GRAMD1B: variants seen among roughly 807,000 people sequenced by gnomAD.
The protein encoded by GRAMD1B is protein Aster-B.
A neutral mutation model predicts 99.7 loss-of-function variants in GRAMD1B; 37 were observed. The observed-to-expected ratio is 0.37, with a 90% CI of 0.29 to 0.49. The LOEUF (loss-of-function observed/expected upper bound fraction) is 0.49, where lower values mean the gene tolerates loss of function less well. Ranked by LOEUF, GRAMD1B falls within the 20% of genes least tolerant of loss-of-function variation. The pLI is 0.98. For synonymous variants in GRAMD1B, 427 were observed against 387.6 expected (o/e 1.10, Z -1.19); for missense variants, 888 against 1,009.2 (o/e 0.88, Z 1.63).
chr11:123,586,033 CTCTG>C (rs1338634536), intron 4 of GRAMD1B, among the ~76,000 whole-genome samples: 2 of 152,046 alleles, frequency 1.3e-5, no homozygotes, highest in African/African-American at 2.4e-5. Flanking sequence ...AGGTTTCCCT[CTCTG>C]TCTGATTCTA....
At chr11:123,422,916 G>A (rs1948503662) in intron 1 of GRAMD1B, among the ~76,000 whole-genome samples, 1 of 144,180 alleles carries the variant, frequency 6.9e-6, no homozygotes, top group Non-Finnish European at 1.5e-5. Flanking sequence ...CCAAATTGTA[G>A]TTCTTGGACT....
intron 2 of GRAMD1B, among the ~76,000 whole-genome samples, chr11:123,572,272 G>C (rs1948189386): frequency 6.6e-6 from 1 of 152,154 alleles, no homozygotes; most frequent in Admixed American, 6.5e-5. Context: ...CATCCCTACA[G>C]CATATGTAAG....
intron 1 of GRAMD1B, among the ~76,000 whole-genome samples, chr11:123,384,125 C>T (rs922622532): frequency 3.9e-5 from 6 of 152,132 alleles, no homozygotes; most frequent in Admixed American, 6.5e-5. Context: ...CTGCCTTGGC[C>T]TCCCAAAGTG....
intron 2 of GRAMD1B, among the ~76,000 whole-genome samples, chr11:123,502,414 C>T (rs1939955499): frequency 1.3e-5 from 2 of 152,210 alleles, no homozygotes; most frequent in Admixed American, 6.5e-5. Flanking sequence ...CCCTGCTGAC[C>T]CCTTGCCCAT....
rs1350013114 is a variant in GRAMD1B at position 123,430,966 on chromosome 11, C to T, written c.174C>T (p.Ala58=). 4.3e-6 allele frequency: 3 copies of T among 702,702 alleles called. No individual in the cohort carries two copies. The highest frequency in any genetic ancestry group is 3.5e-5 in the African/African-American group (2 of 57,258). The allele number at this position is 702,702 out of a possible 1,614,324, so 43.5% of individuals were successfully genotyped here. A position where few individuals can be genotyped will look rare whatever the true frequency, so the allele number is the denominator to read the frequency against. The change falls in exon 1 of 20, where the codon GCC becomes GCT. Residue 58 remains alanine, a synonymous_variant. Transcript: ENST00000635736. Reference sequence around the variant, plus strand: ...ACGTACAGGAGCAGAGCCTGGAGGCCGGGCTGGCCCGGGACCTGCCCGCCG... The same window carrying T: ...ACGTACAGGAGCAGAGCCTGGAGGCTGGGCTGGCCCGGGACCTGCCCGCCG... ...MKNVQEQSLE[A]GLARDLPAVL...
intron 2 of GRAMD1B, among the ~76,000 whole-genome samples, chr11:123,517,681 C>A (rs572868632): frequency 2.6e-5 from 4 of 152,156 alleles, no homozygotes; most frequent in Non-Finnish European, 4.4e-5. Context: ...ATGAAGAATG[C>A]GGTTTTTCTG....
At position 123,619,134 on chromosome 11, in the gene GRAMD1B, C is replaced by T; in HGVS notation, c.2454C>T (p.Ala818=). 4 of 1,564,834 alleles carry T rather than the reference C, an allele frequency of 2.6e-6. No homozygotes were observed. The highest frequency in any genetic ancestry group is 3.5e-6 in the Non-Finnish European group (4 of 1,154,192). ...TACCCCAGTCTCAGACAGAATGGGC[C>T]CAGCTCTTAGAGTCCCAACAAAAGT... is the stretch of plus-strand genomic sequence containing the variant. ...ERLPQSQTEW[A]QLLESQQKYH... is the part of the protein sequence containing the mutation. The change falls in exon 19 of 20, where the codon GCC becomes GCT. Residue 818 remains alanine, a synonymous_variant. Coordinates refer to ENST00000635736, the MANE Select transcript of GRAMD1B (RefSeq NM_001387025.1).
intron 1 of GRAMD1B, among the ~76,000 whole-genome samples, chr11:123,457,134 A>AAAGAAAGAAAGAAAGAAAGAAAGAAAGG (rs1555124313): frequency 1.4e-5 from 2 of 147,594 alleles, no homozygotes; most frequent in South Asian, 2.1e-4. Flanking sequence ...AGAAAGAAAG[A>AAAGAAAGAAAGAAAGAAAGAAAGAAAGG]AAGAATTAGA....
intron 1 of GRAMD1B, among the ~76,000 whole-genome samples, chr11:123,443,423 C>T (rs1458943329): frequency 1.3e-5 from 2 of 152,204 alleles, no homozygotes; most frequent in Admixed American, 1.3e-4. Flanking sequence ...GGTTGGGTTA[C>T]AGCTTGGTTT....
Position 123,492,428 on chromosome 11 carries a change from G to A in GRAMD1B, c.452+11535G>A, listed in dbSNP as rs149784046. On this transcript the variant is annotated intron_variant, in intron 2 of 19. Transcript: ENST00000635736. The surrounding 1 kb of genome is among the most constrained non-coding windows in gnomAD (Gnocchi z 4.2). ...TCTATATCACCTCGTCGGGCACTTTGGTCTGACTCCAGAATTATTTGAGCA... is the reference window on the plus strand; with the variant it reads ...TCTATATCACCTCGTCGGGCACTTTAGTCTGACTCCAGAATTATTTGAGCA... Among the ~76,000 whole-genome samples, 35 of 152,178 alleles carry A rather than the reference G, an allele frequency of 2.3e-4. No homozygotes were observed. Among genetic ancestry groups the A allele is most frequent in the Non-Finnish European group, 3.1e-4 (21 of 68,000 alleles).
chr11:123,384,541 T>G (rs1946994350), intron 1 of GRAMD1B, among the ~76,000 whole-genome samples: 1 of 151,952 alleles, frequency 6.6e-6, no homozygotes, highest in African/African-American at 2.4e-5. Flanking sequence ...GATTATTTAT[T>G]TGACTGTTTC....
intron 1 of GRAMD1B, among the ~76,000 whole-genome samples, chr11:123,406,596 T>G (rs1187507652): frequency 6.6e-6 from 1 of 152,228 alleles, no homozygotes; most frequent in East Asian, 1.9e-4. Flanking sequence ...AGAATTGGAT[T>G]CACTCTGGGC....
At chr11:123,408,291 G>A (rs1042511836) in intron 1 of GRAMD1B, among the ~76,000 whole-genome samples, 6 of 152,186 alleles carry the variant, frequency 3.9e-5, no homozygotes, top group Non-Finnish European at 8.8e-5. Flanking sequence ...ATTCTAACAT[G>A]GCATTACACT....
At chr11:123,420,710 T>C (rs915917191) in intron 1 of GRAMD1B, among the ~76,000 whole-genome samples, 1 of 152,214 alleles carries the variant, frequency 6.6e-6, no homozygotes, top group Admixed American at 6.5e-5. Context: ...AGTCTGAATG[T>C]GTATTTTACA....
chr11:123,470,494 T>TTTTC lies in GRAMD1B; in HGVS notation c.375-10306_375-10303dup, dbSNP rs1565526768. ...GCAACCATGCCCAGCCAACTCACAT[T>TTTTC]TTTCTTTCTTTCTTTCTTTTTTTTT... On this transcript the variant is annotated intron_variant, in intron 1 of 19. Transcript: ENST00000635736. 1.2e-4 allele frequency among the ~76,000 whole-genome samples: 17 copies of TTTTC among 146,344 alleles called. 1 individual carries two copies. Among genetic ancestry groups the TTTTC allele is most frequent in the East Asian group, 6.1e-4 (3 of 4,956 alleles).
At chr11:123,532,521 G>A (rs749852800) in intron 2 of GRAMD1B, among the ~76,000 whole-genome samples, 14 of 152,274 alleles carry the variant, frequency 9.2e-5, no homozygotes, top group African/African-American at 2.9e-4. Context: ...GTGTGGGCAC[G>A]GGCTGATGCC....
At chr11:123,393,204 A>G (rs1307018624) in intron 1 of GRAMD1B, among the ~76,000 whole-genome samples, 3 of 152,250 alleles carry the variant, frequency 2.0e-5, no homozygotes, top group Admixed American at 6.5e-5. Flanking sequence ...AATTTCCCCA[A>G]TAACACGCAG....
chr11:123,446,030 T>G (rs1949629341), intron 1 of GRAMD1B, among the ~76,000 whole-genome samples: 1 of 152,162 alleles, frequency 6.6e-6, no homozygotes, highest in Admixed American at 6.5e-5. Flanking sequence ...AGTGGATCTT[T>G]GTTTTTGAGA....
At chr11:123,621,371 A>T (rs1955095339) in intron 19 of GRAMD1B, among the ~76,000 whole-genome samples, 1 of 152,224 alleles carries the variant, frequency 6.6e-6, no homozygotes, top group East Asian at 1.9e-4. Context: ...TTTAGACTGC[A>T]GTCTATGACC....
Sources: gnomAD v4.1 joint callset for allele counts (sites outside exome capture counted in the v4.1 genomes callset) on GRCh38, gnomAD v4.1.1 for gene constraint, Gnocchi (gnomAD v3.1) non-coding constraint, MANE v1.5 for transcripts, NCBI Gene and HGNC (gene_info 2026-07-23, HGNC 2026-07-21) for gene names.